The following PILRA variants were observed in gnomAD, a reference collection of about 807,000 sequenced individuals.
The protein encoded by PILRA is paired immunoglobulin-like type 2 receptor alpha.
PILRA carries 37 observed loss-of-function variants against 33.1 expected under a neutral mutation model. The ratio of observed to expected loss-of-function variants is 1.12; its 90% CI spans 0.86 to 1.47. The LOEUF (loss-of-function observed/expected upper bound fraction) is 1.47, where lower values mean the gene tolerates loss of function less well. Among genes scored for constraint, PILRA ranks in the 40% most tolerant of loss-of-function variants. The pLI is 0.00. For missense variants in PILRA, 312 were observed against 376.2 expected (o/e 0.83, Z 1.41); for synonymous variants, 146 against 149.9 (o/e 0.97, Z 0.19).
At chr7:100,386,037 C>T (rs1022149288) in intron 2 of PILRA, among the ~76,000 whole-genome samples, 7 of 151,832 alleles carry the variant, frequency 4.6e-5, no homozygotes, top group Non-Finnish European at 7.4e-5. Context: ...TCAAGTGATT[C>T]TCCTGCCTCA....
Position 100,373,509 on chromosome 7 carries a change from G to A in PILRA, c.-148G>A. On this transcript the variant is annotated 5_prime_UTR_variant, in exon 1 of 7. Coordinates refer to ENST00000198536, the MANE Select transcript of PILRA (RefSeq NM_013439.3). ...GTCACCCTGGAGGTGCACTGGTTTG[G>A]GGAAGGCTCCTGGCCCCCACAGCCC... The A allele has an allele frequency of 1.2e-6, 1 of 820,436 alleles. No homozygotes were observed. The highest frequency in any genetic ancestry group is 2.4e-5 in the East Asian group (1 of 40,942). 50.8% of individuals were successfully genotyped at this position (820,436 alleles called of 1,614,324 possible).
chr7:100,387,299 C>T (rs141220070), intron 2 of PILRA, among the ~76,000 whole-genome samples: 20 of 152,294 alleles, frequency 1.3e-4, no homozygotes, highest in African/African-American at 3.6e-4. Context: ...CTGCAACCTC[C>T]GCCTCCCAGG....
At chr7:100,399,189 C>A (rs920584570) in intron 4 of PILRA, 102 bp from the exon 5 acceptor site, 2 of 738,094 alleles carry the variant, frequency 2.7e-6, no homozygotes, top group Admixed American at 4.8e-5. Flanking sequence ...TGGCCACCTG[C>A]CTCAGTCTCC....
chr7:100,397,688 C>A (rs1791528803), intron 3 of PILRA, among the ~76,000 whole-genome samples, 191 bp from the exon 4 acceptor site: 1 of 152,094 alleles, frequency 6.6e-6, no homozygotes, highest in African/African-American at 2.4e-5. Flanking sequence ...ACATGGAAGA[C>A]AACAGGGAGG....
At chr7:100,393,732 C>T (rs1225451136) in intron 3 of PILRA, among the ~76,000 whole-genome samples, 1 of 152,104 alleles carries the variant, frequency 6.6e-6, no homozygotes, top group East Asian at 1.9e-4. Flanking sequence ...TGGCTTCTGT[C>T]CCAAAGGTTG....
intron 2 of PILRA, among the ~76,000 whole-genome samples, chr7:100,376,753 T>C (rs1790957770): frequency 7.3e-6 from 1 of 137,544 alleles, no homozygotes; most frequent in Non-Finnish European, 1.5e-5. Flanking sequence ...TGAGCCACCT[T>C]GCTCTGCCTT....
chr7:100,382,854 A>G (rs1791148234), intron 2 of PILRA, among the ~76,000 whole-genome samples: 1 of 152,210 alleles, frequency 6.6e-6, no homozygotes, highest in Non-Finnish European at 1.5e-5. Flanking sequence ...ATAAAAAGGA[A>G]GAAACTCTGA....
intron 3 of PILRA, among the ~76,000 whole-genome samples, chr7:100,395,665 A>C (rs1037417462): frequency 8.5e-5 from 13 of 152,192 alleles, no homozygotes; most frequent in Non-Finnish European, 1.8e-4. Flanking sequence ...AATCAGAACT[A>C]CAGAGAGCTA....
At chr7:100,385,522 G>T (rs756428177) in intron 2 of PILRA, among the ~76,000 whole-genome samples, 1 of 152,132 alleles carries the variant, frequency 6.6e-6, no homozygotes, top group Non-Finnish European at 1.5e-5. Flanking sequence ...CAACACAAAT[G>T]GAATTAAACC....
chr7:100,379,693 TAATG>T (rs1791044123), intron 2 of PILRA, among the ~76,000 whole-genome samples: 3 of 144,842 alleles, frequency 2.1e-5, no homozygotes, highest in Non-Finnish European at 4.5e-5. Flanking sequence ...AAAAAAAAAT[TAATG>T]CATAAATCTG....
At chr7:100,394,494 C>T (rs1049195350) in intron 3 of PILRA, among the ~76,000 whole-genome samples, 2 of 150,278 alleles carry the variant, frequency 1.3e-5, no homozygotes, top group Non-Finnish European at 3.0e-5. Flanking sequence ...ACACCATGGG[C>T]CAGGCACAAG....
At position 100,374,393 on chromosome 7, in the gene PILRA, G is replaced by GT; in HGVS notation, c.415dup (p.Trp139LeufsTer33). 3 of 1,614,102 alleles carry GT rather than the reference G, an allele frequency of 1.9e-6. No individual in the cohort carries two copies. The South Asian group carries it at 3.3e-5, about 18-fold the overall frequency. On this transcript the variant is annotated frameshift_variant, in exon 2 of 7. Transcript: ENST00000198536. LOFTEE classifies it high-confidence loss of function. Reference sequence around the variant, plus strand: ...ACACACGGAGCTCAGGGAGGCAGCAGTGGCAGTCCATCGAGGGGACCAAAC... The same window carrying GT: ...ACACACGGAGCTCAGGGAGGCAGCAGTTGGCAGTCCATCGAGGGGACCAAAC...
At position 100,373,720 on chromosome 7, in the gene PILRA, A is replaced by G. The variant is rs111476590; in HGVS notation, c.64A>G (p.Ser22Gly). The G allele has an allele frequency of 4.8e-5, 77 of 1,613,148 alleles. 2 individuals carry two copies. The highest frequency in any genetic ancestry group is 3.1e-4 in the African/African-American group (23 of 75,052). ...LLLPPAFLQP[S>G]GSTGSGPSYL... ...GCTGCCGCCAGCATTTCTGCAGCCT[A>G]GTGAGTACCCAGGACCACCCAGATG... Residue 22 changes from serine (S) to glycine (G), a missense_variant and splice_region_variant, in exon 1 of 7, where the codon AGT (serine) becomes GGT (glycine). Physicochemically the swap from Ser to Gly is moderately conservative, Grantham distance 56. Coordinates refer to ENST00000198536, the MANE Select transcript of PILRA (RefSeq NM_013439.3).
At chr7:100,399,530 C>T (rs376561791) in intron 5 of PILRA, 51 bp from the exon 6 acceptor site, 16 of 1,607,914 alleles carry the variant, frequency 1.0e-5, no homozygotes, top group Non-Finnish European at 1.4e-5. Flanking sequence ...CATCTCTCTC[C>T]CCTGGCTGTC....
At position 100,396,300 on chromosome 7, in the gene PILRA, G is replaced by A. The variant is rs1232498408; in HGVS notation, c.674-1579G>A. The stretch of plus-strand genomic sequence containing the variant: ...GGAAGCAACCCAGATGTCCATCAAT[G>A]AATGAATGGATGAACAAAATGTGGT... On this transcript the variant is annotated intron_variant, in intron 3 of 6. Coordinates refer to ENST00000198536, the MANE Select transcript of PILRA (RefSeq NM_013439.3). Among the ~76,000 whole-genome samples, 5 of 152,232 alleles carry A rather than the reference G, an allele frequency of 3.3e-5. No homozygotes were observed. The East Asian group carries it at 9.6e-4, about 29-fold the overall frequency.
In PILRA at chr7:100,397,749, G is replaced by A; in HGVS notation, c.674-130G>A. 5 of 924,884 alleles carry A rather than the reference G, an allele frequency of 5.4e-6. No homozygotes were observed. The South Asian group carries it at 5.8e-5, about 11-fold the overall frequency. The allele number at this position is 924,884 out of a possible 1,614,324, so 57.3% of individuals were successfully genotyped here. A position where few individuals can be genotyped will look rare whatever the true frequency, so the allele number is the denominator to read the frequency against. The stretch of plus-strand genomic sequence containing the variant: ...CTGAGTCCCAGGCCCTTCCTGATGG[G>A]TTTGGGTGGAGCAGCTCTGCTGCTC... On this transcript the variant is annotated intron_variant, in intron 3 of 6. Coordinates refer to ENST00000198536, the MANE Select transcript of PILRA (RefSeq NM_013439.3).
At chr7:100,384,876 C>T (rs1791222465) in intron 2 of PILRA, among the ~76,000 whole-genome samples, 1 of 152,062 alleles carries the variant, frequency 6.6e-6, no homozygotes, top group Non-Finnish European at 1.5e-5. Flanking sequence ...TGGGCCCTGA[C>T]ATTAGGTTTG....
At chr7:100,373,074 C>T (rs1442026307), upstream of PILRA, among the ~76,000 whole-genome samples, 1 of 151,982 alleles carries the variant, frequency 6.6e-6, no homozygotes, top group African/African-American at 2.4e-5. Context: ...GCATGGGAGC[C>T]CCTGCCAGGG....
intron 3 of PILRA, among the ~76,000 whole-genome samples, chr7:100,391,631 G>A (rs1191790271): frequency 2.0e-5 from 3 of 152,198 alleles, no homozygotes; most frequent in Non-Finnish European, 2.9e-5. Context: ...AGGCTGCAGT[G>A]AGCCATGATT....
Sources: allele counts gnomAD v4.1 joint callset (sites outside exome capture counted in the v4.1 genomes callset), GRCh38; gene constraint gnomAD v4.1.1; transcripts MANE v1.5; gene names NCBI Gene and HGNC (gene_info 2026-07-23, HGNC 2026-07-21).